PTPN13: variants seen among roughly 807,000 people sequenced by gnomAD.
PTPN13 encodes tyrosine-protein phosphatase non-receptor type 13.
PTPN13 carries 191 observed loss-of-function variants against 284.0 expected under a neutral mutation model. The observed-to-expected ratio is 0.67, with a 90% CI of 0.60 to 0.76. PTPN13 has a LOEUF of 0.76. Among genes scored for constraint, PTPN13 ranks in the 30% least tolerant of loss-of-function variants. The pLI, the probability that PTPN13 is intolerant of heterozygous loss-of-function variation, is 0.00. For missense variants in PTPN13, 2,797 were observed against 2,939.9 expected, an observed-to-expected ratio of 0.95 and a Z score of 1.12; for synonymous variants, 986 against 1,022.3, an observed-to-expected ratio of 0.96 and a Z score of 0.68.
At chr4:86,633,077 A>G (rs936693824) in intron 1 of PTPN13, among the ~76,000 whole-genome samples, 1 of 152,124 alleles carries the variant, frequency 6.6e-6, no homozygotes, top group African/African-American at 2.4e-5. Context: ...AATTGCTGGG[A>G]TTACAGGCTT....
intron 9 of PTPN13, 110 bp from the exon 10 acceptor site, chr4:86,722,102 A>G (rs1733733927): frequency 1.2e-6 from 1 of 864,260 alleles, no homozygotes; most frequent in Admixed American, 2.4e-5. Flanking sequence ...AGATGGGAAA[A>G]TAAAATTTGT....
chr4:86,668,332 A>T (rs1727323026), intron 2 of PTPN13, among the ~76,000 whole-genome samples: 1 of 152,188 alleles, frequency 6.6e-6, no homozygotes, highest in African/African-American at 2.4e-5. Context: ...TTTTAGTTAG[A>T]CAAGATGAGT....
At chr4:86,733,659 C>T (rs1342532313) in intron 12 of PTPN13, among the ~76,000 whole-genome samples, 1 of 152,094 alleles carries the variant, frequency 6.6e-6, no homozygotes, top group Non-Finnish European at 1.5e-5. Context: ...TTAGACTAAT[C>T]AGTCAATATT....
intron 1 of PTPN13, among the ~76,000 whole-genome samples, chr4:86,626,270 G>T (rs2148682403): frequency 6.6e-6 from 1 of 152,168 alleles, no homozygotes; most frequent in East Asian, 1.9e-4. Context: ...TGAACCAGAG[G>T]CCCAGAAAGG....
chr4:86,602,464 CTTATA>C (rs553088336), intron 1 of PTPN13, among the ~76,000 whole-genome samples: 147 of 150,676 alleles, frequency 9.8e-4, no homozygotes, highest in Non-Finnish European at 1.8e-3. Flanking sequence ...TTTTAGTATA[CTTATA>C]TTTGATTTAT....
intron 3 of PTPN13, among the ~76,000 whole-genome samples, chr4:86,675,589 T>C (rs1017952842): frequency 2.0e-5 from 3 of 152,172 alleles, no homozygotes; most frequent in Admixed American, 6.5e-5. Flanking sequence ...GGACTTACAC[T>C]TAAAAGTCTT....
intron 1 of PTPN13, among the ~76,000 whole-genome samples, chr4:86,622,305 T>C (rs914273407): frequency 2.0e-5 from 3 of 152,202 alleles, no homozygotes; most frequent in African/African-American, 4.8e-5. Flanking sequence ...GCTAATTTAA[T>C]AAAGGCTAAT....
At chr4:86,786,909 G>A (rs538893390) in intron 40 of PTPN13, among the ~76,000 whole-genome samples, 5 of 152,204 alleles carry the variant, frequency 3.3e-5, no homozygotes, top group African/African-American at 7.2e-5. Flanking sequence ...TTCAAGACCA[G>A]CCTGGCCAAC....
chr4:86,599,868 G>A lies in PTPN13; in HGVS notation c.-6+5079G>A, dbSNP rs530898522. Reference sequence around the variant, plus strand: ...GTCCTTGTTTTTATTACTTATATCAGTATGCTCTAAACCTAACTAATGGCT... The same window carrying A: ...GTCCTTGTTTTTATTACTTATATCAATATGCTCTAAACCTAACTAATGGCT... On this transcript the variant is annotated intron_variant, in intron 1 of 47. Transcript: ENST00000411767. Among the ~76,000 whole-genome samples, 40 of 152,148 alleles carry A rather than the reference G, an allele frequency of 2.6e-4. 1 individual carries two copies. In the East Asian group the frequency reaches 5.8e-3, roughly 22 times the overall value.
intron 41 of PTPN13, 35 bp from the exon 42 acceptor site, chr4:86,799,066 G>A (rs1743679500): frequency 7.7e-7 from 1 of 1,294,392 alleles, no homozygotes; most frequent in East Asian, 2.5e-5. Context: ...GTACAAAAAT[G>A]AAGAAAATGT....
chr4:86,796,290 C>T (rs1455038226), intron 40 of PTPN13, among the ~76,000 whole-genome samples: 1 of 152,052 alleles, frequency 6.6e-6, no homozygotes, highest in Non-Finnish European at 1.5e-5. Context: ...TTAATTCACA[C>T]TTTCATCTTT....
At chr4:86,674,777 T>A (rs1342496327) in intron 3 of PTPN13, among the ~76,000 whole-genome samples, 1 of 152,218 alleles carries the variant, frequency 6.6e-6, no homozygotes, top group East Asian at 1.9e-4. Flanking sequence ...CATTGTTATG[T>A]ATCATGAAGG....
chr4:86,734,326 C>T lies in PTPN13; in HGVS notation c.1882C>T (p.Pro628Ser). 1 of 1,526,832 alleles carries T rather than the reference C, an allele frequency of 6.5e-7. No homozygotes were observed. The allele number at this position is 1,526,832 out of a possible 1,614,324, so 94.6% of individuals were successfully genotyped here. A position where few individuals can be genotyped will look rare whatever the true frequency, so the allele number is the denominator to read the frequency against. The change falls in exon 13 of 48, where the codon CCT becomes TCT. Residue 628 changes from proline to serine, a missense_variant. Transcript: ENST00000411767. The stretch of plus-strand genomic sequence containing the variant: ...AGATAATGAATATTTCTTTGTTGAT[C>T]CTGACTTAAAATTAACCAAAGTGGC... ...LKDNEYFFVD[P>S]DLKLTKVAPE... is the part of the protein sequence containing the mutation.
At chr4:86,674,504 G>A (rs569017392) in intron 3 of PTPN13, among the ~76,000 whole-genome samples, 1 of 152,222 alleles carries the variant, frequency 6.6e-6, no homozygotes, top group East Asian at 1.9e-4. Context: ...CTAAAGGAAG[G>A]CATCTTGATT....
At chr4:86,639,685 G>C (rs1051478792) in intron 2 of PTPN13, among the ~76,000 whole-genome samples, 2 of 151,654 alleles carry the variant, frequency 1.3e-5, no homozygotes, top group African/African-American at 4.9e-5. Flanking sequence ...GTTGTGGGGT[G>C]GGGGGAAGGG....
At chr4:86,777,174 A>G (rs1740753442) in intron 35 of PTPN13, among the ~76,000 whole-genome samples, 1 of 152,240 alleles carries the variant, frequency 6.6e-6, no homozygotes, top group African/African-American at 2.4e-5. Flanking sequence ...AGTTTATTAT[A>G]TTAACGTTCT....
chr4:86,694,379 G>A (rs1297920326), intron 6 of PTPN13, among the ~76,000 whole-genome samples: 1 of 151,424 alleles, frequency 6.6e-6, no homozygotes, highest in East Asian at 1.9e-4. Context: ...TCAGGAGTTC[G>A]AGACCAGCCT....
rs1339156839 is a variant in PTPN13, at chr4:86,762,937, G to T, written c.3764G>T (p.Ser1255Ile). Residue 1255 changes from serine to isoleucine, a missense_variant, in exon 24 of 48, where the codon AGC (serine) becomes ATC (isoleucine). Ser to Ile is a moderately radical substitution (Grantham distance 142). Coordinates refer to ENST00000411767, the MANE Select transcript of PTPN13 (RefSeq NM_080683.3). Reference protein sequence around the residue: ...SSQDSRTESASLSQSQVNGFF... With the variant: ...SSQDSRTESAILSQSQVNGFF... ...CAAGATTCCAGGACTGAGAGTGCCA[G>T]CTTGTCTCAAAGCCAGGTCAATGGT... The T allele has an allele frequency of 1.2e-6, 2 of 1,613,772 alleles. No individual in the cohort carries two copies. The highest frequency in any genetic ancestry group is 1.7e-6 in the Non-Finnish European group (2 of 1,179,860).
intron 16 of PTPN13, among the ~76,000 whole-genome samples, chr4:86,743,648 G>T (rs1278974980): frequency 4.6e-5 from 7 of 152,060 alleles, no homozygotes; most frequent in Admixed American, 2.0e-4. Context: ...ACAATATCTA[G>T]CTAGAATTTA....
Sources: gnomAD v4.1 joint callset for allele counts (sites outside exome capture counted in the v4.1 genomes callset) on GRCh38, gnomAD v4.1.1 for gene constraint, MANE v1.5 for transcripts, NCBI Gene and HGNC (gene_info 2026-07-23, HGNC 2026-07-21) for gene names.